The following MTERF4 variants were observed in gnomAD, a reference collection of about 807,000 sequenced individuals.
MTERF4 encodes the protein transcription termination factor 4, mitochondrial.
MTERF4 carries 17 observed loss-of-function variants against 22.5 expected under a neutral mutation model. The ratio of observed to expected loss-of-function variants is 0.75; its 90% CI spans 0.52 to 1.13. The LOEUF (loss-of-function observed/expected upper bound fraction) is 1.13, where lower values mean the gene tolerates loss of function less well. MTERF4 is among the 50% of genes most tolerant of loss of function. The pLI is 0.00. For missense variants in MTERF4, 420 were observed against 466.8 expected (o/e 0.90, Z 0.92); for synonymous variants, 165 against 175.3 (o/e 0.94, Z 0.47).
chr2:241,049,246 C>T, the MTERF4 span: 2 of 779,894 alleles, frequency 2.6e-6, no homozygotes, highest in Non-Finnish European at 4.2e-6. Context: ...TTCTGACTCT[C>T]GGGAGAGCTG....
chr2:241,075,792 G>A lies in MTERF4; in HGVS notation n.480-110C>T, dbSNP rs973120197. 2 of 152,104 alleles carry A rather than the reference G, an allele frequency of 1.3e-5. No individual in the cohort carries two copies. Among genetic ancestry groups the A allele is most frequent in the Admixed American group, 6.5e-5 (1 of 15,282 alleles). 9.4% of individuals were successfully genotyped at this position (152,104 alleles called of 1,614,324 possible). A position where few individuals can be genotyped will look rare whatever the true frequency, so the allele number is the denominator to read the frequency against. On this transcript the variant is annotated intron_variant and non_coding_transcript_variant, in intron 4 of 4. Coordinates refer to the MTERF4 transcript ENST00000464344. The surrounding 1 kb of genome is among the most constrained non-coding windows in gnomAD (Gnocchi z 4.8). ...ACACCAAAGTTAGAAAGTTATTCAT[G>A]TATATTTTTTTCACAAAGATGTAAA...
At chr2:241,094,416 G>A (rs1367503520), downstream of MTERF4, 15 of 471,098 alleles carry the variant, frequency 3.2e-5, no homozygotes, top group South Asian at 1.7e-4. The surrounding 1 kb of genome is among the most constrained non-coding windows in gnomAD (Gnocchi z 4.3). Context: ...TTGCAGTCAC[G>A]CTGTAAGACG....
At position 241,073,554 on chromosome 2, in the gene MTERF4, C is replaced by A; in HGVS notation, n.2608G>T. The A allele has an allele frequency of 3.1e-6, 2 of 635,164 alleles. No individual in the cohort carries two copies. Among genetic ancestry groups the A allele is most frequent in the Non-Finnish European group, 5.8e-6 (2 of 347,212 alleles). 39.3% of individuals were successfully genotyped at this position (635,164 alleles called of 1,614,324 possible). A position where few individuals can be genotyped will look rare whatever the true frequency, so the allele number is the denominator to read the frequency against. On this transcript the variant is annotated non_coding_transcript_exon_variant, in exon 5 of 5. Transcript: ENST00000464344. This position sits in a 1 kb window ranked among gnomAD's most constrained non-coding sequence, Gnocchi z 6.6. The stretch of plus-strand genomic sequence containing the variant: ...AGCTACACCACCCAAGCAGTGGGAC[C>A]CCACAGACGGGAACAGGCCAGGGGG...
the MTERF4 span, among the ~76,000 whole-genome samples, chr2:241,046,298 T>C: frequency 6.6e-6 from 1 of 152,196 alleles, no homozygotes; most frequent in Non-Finnish European, 1.5e-5. Context: ...GCAATCCCAC[T>C]CCTTGTATTA....
At position 241,075,863 on chromosome 2, in the gene MTERF4, G is replaced by GTA. The variant is rs1211490426; in HGVS notation, n.480-182_480-181insTA. On this transcript the variant is annotated intron_variant and non_coding_transcript_variant, in intron 4 of 4. Coordinates refer to the MTERF4 transcript ENST00000464344. This position sits in a 1 kb window ranked among gnomAD's most constrained non-coding sequence, Gnocchi z 4.8. ...GTCATTAATCTGTTAGACTGTGTGT[G>GTA]TGTGAGAAGTTGGGCTACAATTTCA... Among the ~76,000 whole-genome samples the GTA allele has an allele frequency of 2.0e-5, 3 of 152,122 alleles. No individual in the cohort carries two copies. Among genetic ancestry groups the GTA allele is most frequent in the African/African-American group, 2.4e-5 (1 of 41,412 alleles).
chr2:241,067,299 C>T (rs1289387196), downstream of MTERF4, among the ~76,000 whole-genome samples: 1 of 152,218 alleles, frequency 6.6e-6, no homozygotes, highest in Admixed American at 6.5e-5. Context: ...GCGGAGCTCA[C>T]AAGTGGCCCC....
At chr2:241,049,421 C>T in the MTERF4 span, among the ~76,000 whole-genome samples, 1 of 152,232 alleles carries the variant, frequency 6.6e-6, no homozygotes, top group Non-Finnish European at 1.5e-5. Flanking sequence ...ATATTTAATG[C>T]ATACATAATT....
the MTERF4 span, chr2:241,062,816 G>A: frequency 3.2e-5 from 51 of 1,611,422 alleles, no homozygotes; most frequent in Middle Eastern, 5.0e-4. Flanking sequence ...GGTCTCAGCC[G>A]TGCCTGCATG....
the MTERF4 span, chr2:241,065,586 G>A: frequency 6.2e-7 from 1 of 1,611,650 alleles, no homozygotes; most frequent in Middle Eastern, 1.8e-4. Flanking sequence ...CGTGCTGCTG[G>A]CCCGCACGCG....
the MTERF4 span, among the ~76,000 whole-genome samples, chr2:241,066,720 A>G: frequency 2.6e-5 from 4 of 152,274 alleles, 1 homozygote; most frequent in South Asian, 6.2e-4. Context: ...GGTGAAACCT[A>G]TGGGTAGCAT....
chr2:241,102,275 G>C lies in MTERF4; in HGVS notation c.-2C>G, dbSNP rs763664551. 9.0e-6 allele frequency: 14 copies of C among 1,549,450 alleles called. No individual in the cohort carries two copies. In the Admixed American group the frequency reaches 2.5e-4, roughly 28 times the overall value. On this transcript the variant is annotated 5_prime_UTR_variant, in exon 1 of 4. Coordinates refer to ENST00000391980, the MANE Select transcript of MTERF4 (RefSeq NM_182501.4). ...TACCTGACGGCCGAACGCAGCCATA[G>C]CGCGGAGAAGATGGCAGCAGTTACG...
Position 241,073,166 on chromosome 2 carries a change from C to T in MTERF4, n.2996G>A. 1.2e-6 allele frequency: 1 copy of T among 838,512 alleles called. No homozygotes were observed. 51.9% of individuals were successfully genotyped at this position (838,512 alleles called of 1,614,324 possible). A position where few individuals can be genotyped will look rare whatever the true frequency, so the allele number is the denominator to read the frequency against. ...GGAGCCTGGTCCCCACCAGGGACAT[C>T]CGTGCTCCCTGAGATATAGAAGCAC... On this transcript the variant is annotated non_coding_transcript_exon_variant, in exon 5 of 5. Transcript: ENST00000464344. The surrounding 1 kb of genome is among the most constrained non-coding windows in gnomAD (Gnocchi z 6.6).
chr2:241,046,048 C>T, the MTERF4 span, among the ~76,000 whole-genome samples: 8 of 152,042 alleles, frequency 5.3e-5, no homozygotes, highest in African/African-American at 7.2e-5. Flanking sequence ...GGTGAATAAA[C>T]GGATGGAAAA....
At position 241,102,063 on chromosome 2, in the gene MTERF4, A is replaced by AAG. The variant is rs1575203566; in HGVS notation, c.21+189_21+190insCT. 8 of 727,672 alleles carry AAG rather than the reference A, an allele frequency of 1.1e-5. No homozygotes were observed. The East Asian group carries it at 2.5e-4, about 22-fold the overall frequency. The allele number at this position is 727,672 out of a possible 1,614,324, so 45.1% of individuals were successfully genotyped here. A position where few individuals can be genotyped will look rare whatever the true frequency, so the allele number is the denominator to read the frequency against. On this transcript the variant is annotated intron_variant, in intron 1 of 3. Transcript: ENST00000391980. ...CGAGACTTTGTCTCAAAAAAAAAAA[A>AAG]TGTCAACTCTATATCCCACAATAAT...
the MTERF4 span, among the ~76,000 whole-genome samples, chr2:241,042,638 G>A: frequency 6.6e-6 from 1 of 151,826 alleles, no homozygotes; most frequent in Non-Finnish European, 1.5e-5. Flanking sequence ...CTATAATCAA[G>A]ATTGTTGAGG....
chr2:241,094,776 C>T (rs946131495), downstream of MTERF4: 11 of 168,126 alleles, frequency 6.5e-5, no homozygotes, highest in Non-Finnish European at 1.4e-4. This position sits in a 1 kb window ranked among gnomAD's most constrained non-coding sequence, Gnocchi z 4.3. Context: ...CTACAATCTA[C>T]CAGATCCTAG....
chr2:241,063,173 A>C, the MTERF4 span, among the ~76,000 whole-genome samples: 1 of 152,228 alleles, frequency 6.6e-6, no homozygotes, highest in African/African-American at 2.4e-5. Context: ...GGCAGGTCAC[A>C]GTCTCTGACA....
downstream of MTERF4, chr2:241,088,370 AAAGT>A (rs758193293): frequency 3.7e-6 from 6 of 1,609,946 alleles, no homozygotes; most frequent in East Asian, 8.9e-5. Context: ...TTCAGGAAAC[AAAGT>A]AAGAGTCAGA....
chr2:241,050,068 G>T, the MTERF4 span: 8 of 733,648 alleles, frequency 1.1e-5, no homozygotes, highest in Non-Finnish European at 2.0e-5. Context: ...CTGATGTGCT[G>T]CTCTGTTCTG....
Sources: allele counts gnomAD v4.1 joint callset (sites outside exome capture counted in the v4.1 genomes callset), GRCh38; gene constraint gnomAD v4.1.1; non-coding constraint Gnocchi (gnomAD v3.1); transcripts MANE v1.5; gene names NCBI Gene and HGNC (gene_info 2026-07-23, HGNC 2026-07-21).